The following KATNBL1 variants were observed in gnomAD, a reference collection of about 807,000 sequenced individuals.
The protein encoded by KATNBL1 is katanin regulatory subunit B1 like 1.
In KATNBL1, 28 loss-of-function variants were observed where a neutral mutation model predicts 44.7. The observed-to-expected ratio is 0.63, with a 90% CI of 0.46 to 0.86. The LOEUF (loss-of-function observed/expected upper bound fraction) is 0.86. Ranked by LOEUF, KATNBL1 falls within the 40% of genes least tolerant of loss-of-function variation. The pLI, the probability that KATNBL1 is intolerant of heterozygous loss-of-function variation, is 0.00. For missense variants in KATNBL1, 272 were observed against 350.7 expected (o/e 0.78, Z 1.79); for synonymous variants, 78 against 114.9 (o/e 0.68, Z 2.06).
At chr15:34,156,731 A>G (rs1341662828) in intron 2 of KATNBL1, among the ~76,000 whole-genome samples, 1 of 152,170 alleles carries the variant, frequency 6.6e-6, no homozygotes, top group Non-Finnish European at 1.5e-5. Context: ...CCATATTATA[A>G]AACTGGCTTA....
chr15:34,170,750 A>G (rs1889133732), intron 1 of KATNBL1, among the ~76,000 whole-genome samples: 1 of 152,220 alleles, frequency 6.6e-6, no homozygotes, highest in African/African-American at 2.4e-5. Context: ...ATATAGACCA[A>G]TGGAACAGAA....
chr15:34,177,193 A>G (rs1889359581), intron 1 of KATNBL1, among the ~76,000 whole-genome samples: 1 of 152,234 alleles, frequency 6.6e-6, no homozygotes, highest in African/African-American at 2.4e-5. Flanking sequence ...AGTGTTTGCT[A>G]ATACCCTTAG....
intron 5 of KATNBL1, among the ~76,000 whole-genome samples, chr15:34,147,860 T>C (rs917259874): frequency 6.6e-6 from 1 of 152,090 alleles, no homozygotes; most frequent in African/African-American, 2.4e-5. Context: ...ATGTTTACTT[T>C]TTATTTTTAG....
chr15:34,158,184 A>G (rs1443215065), intron 2 of KATNBL1, among the ~76,000 whole-genome samples: 1 of 152,206 alleles, frequency 6.6e-6, no homozygotes, highest in Non-Finnish European at 1.5e-5. Flanking sequence ...GTAAATTGCT[A>G]CACATCCATA....
chr15:34,149,261 GAAAT>G lies in KATNBL1; in HGVS notation c.439-515_439-512del, dbSNP rs1597425329. Reference sequence around the variant, plus strand: ...CAAAAACATCCAATATCACTCCGCAGAAATAATCACAGTTAACAGACTGATATGT... The same window carrying G: ...CAAAAACATCCAATATCACTCCGCAGAATCACAGTTAACAGACTGATATGT... On this transcript the variant is annotated intron_variant, in intron 4 of 9. Transcript: ENST00000256544. Among the ~76,000 whole-genome samples, 3 of 152,160 alleles carry G rather than the reference GAAAT, an allele frequency of 2.0e-5. No individual in the cohort carries two copies. In the East Asian group the frequency reaches 5.8e-4, roughly 29 times the overall value.
intron 1 of KATNBL1, among the ~76,000 whole-genome samples, chr15:34,168,646 G>A (rs1221418702): frequency 1.3e-5 from 2 of 152,132 alleles, no homozygotes; most frequent in Non-Finnish European, 2.9e-5. Flanking sequence ...ATTCTTCTCA[G>A]CACCACATCG....
intron 1 of KATNBL1, among the ~76,000 whole-genome samples, chr15:34,193,518 A>G (rs994514711): frequency 2.0e-5 from 3 of 152,164 alleles, no homozygotes; most frequent in Non-Finnish European, 2.9e-5. Context: ...TGGGAAACAG[A>G]GCAAGACTCT....
chr15:34,197,569 A>G (rs1597462844), intron 1 of KATNBL1, among the ~76,000 whole-genome samples: 3 of 152,242 alleles, frequency 2.0e-5, no homozygotes, highest in Admixed American at 2.0e-4. Flanking sequence ...GTATGTTTCT[A>G]TATGTGCATA....
At chr15:34,145,602 G>T in intron 8 of KATNBL1, 111 bp from the exon 9 acceptor site, 1 of 979,966 alleles carries the variant, frequency 1.0e-6, no homozygotes, top group Non-Finnish European at 1.3e-6. Flanking sequence ...GTATTTTTCA[G>T]GAGAAAATGA....
chr15:34,160,926 C>T (rs1011526894), intron 2 of KATNBL1, among the ~76,000 whole-genome samples: 5 of 152,138 alleles, frequency 3.3e-5, no homozygotes, highest in African/African-American at 7.2e-5. Flanking sequence ...AGGCTCAACA[C>T]CCCCCTGCTG....
intron 1 of KATNBL1, among the ~76,000 whole-genome samples, chr15:34,167,330 G>C (rs931395231): frequency 6.6e-6 from 1 of 152,134 alleles, no homozygotes; most frequent in Non-Finnish European, 1.5e-5. Context: ...ATTTGATCAA[G>C]TGGAAGAAAG....
chr15:34,196,589 G>A lies in KATNBL1; in HGVS notation c.-15+13362C>T, dbSNP rs116715394. Reference sequence around the variant, plus strand: ...TTAAAAATACGAAAACCTGCCAGGCGTGGCGGCAGGCACCTGTAATCCCAG... The same window carrying A: ...TTAAAAATACGAAAACCTGCCAGGCATGGCGGCAGGCACCTGTAATCCCAG... On this transcript the variant is annotated intron_variant, in intron 1 of 9. Transcript: ENST00000256544. 5.4e-3 allele frequency among the ~76,000 whole-genome samples: 817 copies of A among 151,860 alleles called. 9 individuals carry two copies. The highest frequency in any genetic ancestry group is 0.019 in the African/African-American group (771 of 41,386).
At position 34,154,232 on chromosome 15, in the gene KATNBL1, T is replaced by C. The variant is rs144280789; in HGVS notation, c.158+412A>G. Among the ~76,000 whole-genome samples, 120 of 152,344 alleles carry C rather than the reference T, an allele frequency of 7.9e-4. 1 individual carries two copies. The East Asian group carries it at 0.016, about 21-fold the overall frequency. On this transcript the variant is annotated intron_variant, in intron 3 of 9. Transcript: ENST00000256544. ...TATTGCTATGGAAGTAATTCTGACT[T>C]CACAAATTCCATGAATGGTCTTTAG...
intron 9 of KATNBL1, among the ~76,000 whole-genome samples, chr15:34,144,264 A>C (rs1266349110): frequency 1.3e-5 from 2 of 152,076 alleles, no homozygotes; most frequent in Admixed American, 1.3e-4. Flanking sequence ...CTTATCTTGG[A>C]GTAGAAGCCA....
intron 1 of KATNBL1, among the ~76,000 whole-genome samples, chr15:34,185,427 C>T (rs1889691319): frequency 6.6e-6 from 1 of 152,190 alleles, no homozygotes; most frequent in Non-Finnish European, 1.5e-5. Flanking sequence ...GGTGTGTCTC[C>T]TCTTGCCAAA....
chr15:34,206,173 T>C (rs1595371377), intron 1 of KATNBL1, among the ~76,000 whole-genome samples: 1 of 152,134 alleles, frequency 6.6e-6, no homozygotes, highest in African/African-American at 2.4e-5. Context: ...CTGTGCATCT[T>C]AAGAGTATGC....
intron 1 of KATNBL1, among the ~76,000 whole-genome samples, chr15:34,200,860 A>C (rs1163964268): frequency 6.6e-6 from 1 of 151,950 alleles, no homozygotes; most frequent in Admixed American, 6.6e-5. Context: ...CTCTGTCGCC[A>C]GGCTGGAGTG....
chr15:34,204,715 T>TG (rs1197317083), intron 1 of KATNBL1, among the ~76,000 whole-genome samples: 1 of 152,244 alleles, frequency 6.6e-6, no homozygotes, highest in Non-Finnish European at 1.5e-5. Context: ...AAACATACTT[T>TG]GTAGGCAAGA....
At chr15:34,153,875 T>G (rs760287898) in intron 3 of KATNBL1, among the ~76,000 whole-genome samples, 1 of 152,248 alleles carries the variant, frequency 6.6e-6, no homozygotes, top group Non-Finnish European at 1.5e-5. Flanking sequence ...ATAATTTTTA[T>G]GTGAATAGTA....
Sources: allele counts gnomAD v4.1 joint callset (sites outside exome capture counted in the v4.1 genomes callset), GRCh38; gene constraint gnomAD v4.1.1; transcripts MANE v1.5; gene names NCBI Gene and HGNC (gene_info 2026-07-23, HGNC 2026-07-21).